Variants in MGRN1 observed in about 807,000 individuals in gnomAD.
MGRN1 encodes E3 ubiquitin-protein ligase MGRN1.
MGRN1 carries 29 observed loss-of-function variants against 69.2 expected under a neutral mutation model. The ratio of observed to expected loss-of-function variants is 0.42; its 90% CI spans 0.31 to 0.57. The LOEUF (loss-of-function observed/expected upper bound fraction) is 0.57, where lower values mean the gene tolerates loss of function less well. Among genes scored for constraint, MGRN1 ranks in the 20% least tolerant of loss-of-function variants. MGRN1 has a pLI of 0.15. For missense variants in MGRN1, 998 were observed against 796.2 expected (o/e 1.25, Z -3.05); for synonymous variants, 470 against 344.2 (o/e 1.37, Z -4.04).
chr16:4,657,283 G>C lies in MGRN1; in HGVS notation c.481G>C (p.Val161Leu), dbSNP rs758611746. 2 of 1,614,098 alleles carry C rather than the reference G, an allele frequency of 1.2e-6. No individual in the cohort carries two copies. Among genetic ancestry groups the C allele is most frequent in the East Asian group, 4.5e-5 (2 of 44,890 alleles). ...PKSPSLQSET[V>L]HYKRGVSQQF... ...GAGCCCCTCGCTACAGTCCGAGACC[G>C]TCCACTACAAGAGAGGGGTGAGCCA... The change falls in exon 5 of 17, where the codon GTC becomes CTC. Residue 161 changes from valine to leucine, a missense_variant. Val to Leu is a conservative substitution (Grantham distance 32). Coordinates refer to ENST00000262370, the MANE Select transcript of MGRN1 (RefSeq NM_015246.4).
rs1315128902 is a variant in MGRN1 at position 4,673,625 on chromosome 16, A to G, written c.923A>G (p.Tyr308Cys). 2 of 1,613,484 alleles carry G rather than the reference A, an allele frequency of 1.2e-6. No homozygotes were observed. ...ACCTCCTGCGCCGACACGCTGCGCT[A>G]CCAGGCCAACAACTGCCCCATCTGC... ...LCTSCADTLR[Y>C]QANNCPICRL... Residue 308 changes from tyrosine to cysteine, a missense_variant, in exon 10 of 17, where the codon TAC (tyrosine) becomes TGC (cysteine). Physicochemically the swap from Tyr to Cys is radical, Grantham distance 194. Coordinates refer to ENST00000262370, the MANE Select transcript of MGRN1 (RefSeq NM_015246.4).
intron 5 of MGRN1, among the ~76,000 whole-genome samples, chr16:4,659,929 G>A (rs1596292609): frequency 1.3e-5 from 2 of 152,244 alleles, no homozygotes; most frequent in East Asian, 1.9e-4. Context: ...ATCCGGCTGG[G>A]TCCGGAGATG....
At chr16:4,643,979 T>G (rs2078218916) in intron 1 of MGRN1, among the ~76,000 whole-genome samples, 1 of 151,942 alleles carries the variant, frequency 6.6e-6, no homozygotes, top group African/African-American at 2.4e-5. Context: ...TTTTTGTTTG[T>G]TTGTTTTTTT....
Position 4,673,628 on chromosome 16 carries a change from A to T in MGRN1, c.926A>T (p.Gln309Leu). 6.2e-7 allele frequency: 1 copy of T among 1,613,466 alleles called. No individual in the cohort carries two copies. The highest frequency in any genetic ancestry group is 8.5e-7 in the Non-Finnish European group (1 of 1,179,840). ...CTSCADTLRYQANNCPICRLP... is the reference protein window; with the variant it reads ...CTSCADTLRYLANNCPICRLP... The stretch of plus-strand genomic sequence containing the variant: ...TCCTGCGCCGACACGCTGCGCTACC[A>T]GGCCAACAACTGCCCCATCTGCCGG... Residue 309 changes from glutamine (Q) to leucine (L), a missense_variant, in exon 10 of 17, where the codon CAG becomes CTG. Gln to Leu is a moderately radical substitution (Grantham distance 113). Transcript: ENST00000262370.
chr16:4,665,161 A>C lies in MGRN1; in HGVS notation c.678+10A>C, dbSNP rs369057772. On this transcript the variant is annotated intron_variant, in intron 7 of 16. Coordinates refer to ENST00000262370, the MANE Select transcript of MGRN1 (RefSeq NM_015246.4). ...GGCTGCCTTTGAAAAGGTAAGTGCC[A>C]TCTGGCCATCACTTTCCCGGGGACC... is the stretch of plus-strand genomic sequence containing the variant. The C allele has an allele frequency of 3.7e-6, 6 of 1,613,996 alleles. No individual in the cohort carries two copies. In the African/African-American group the frequency reaches 8.0e-5, roughly 22 times the overall value.
chr16:4,646,182 G>A (rs144382912), intron 1 of MGRN1, among the ~76,000 whole-genome samples: 10 of 152,256 alleles, frequency 6.6e-5, no homozygotes, highest in African/African-American at 2.4e-4. Context: ...TGTAATCCCA[G>A]CACTTTGGGA....
chr16:4,671,483 C>T, intron 9 of MGRN1, 24 bp downstream of exon 9: 3 of 1,611,050 alleles, frequency 1.9e-6, no homozygotes, highest in Non-Finnish European at 2.5e-6. Flanking sequence ...TGAGGTTTCC[C>T]TCTGCCATTA....
chr16:4,666,214 A>T (rs2078802828), intron 7 of MGRN1, among the ~76,000 whole-genome samples: 1 of 151,330 alleles, frequency 6.6e-6, no homozygotes, highest in Non-Finnish European at 1.5e-5. Flanking sequence ...TGCAGCCTTG[A>T]CCTCCTGGGC....
chr16:4,681,318 G>A (rs1486271160), intron 12 of MGRN1: 7 of 548,298 alleles, frequency 1.3e-5, no homozygotes, highest in East Asian at 9.2e-5. Context: ...AGATGCCCTC[G>A]TGCCCGTCAT....
intron 9 of MGRN1, among the ~76,000 whole-genome samples, chr16:4,672,942 C>T (rs904825333): frequency 6.6e-6 from 1 of 152,132 alleles, no homozygotes; most frequent in African/African-American, 2.4e-5. Context: ...GGGTTCACGC[C>T]ATTCTCCTGC....
chr16:4,656,176 A>G (rs1167701392), intron 4 of MGRN1, among the ~76,000 whole-genome samples: 1 of 152,226 alleles, frequency 6.6e-6, no homozygotes, highest in African/African-American at 2.4e-5. Flanking sequence ...TTTATCAGAA[A>G]TGAAACTGCT....
intron 16 of MGRN1, chr16:4,686,978 G>A (rs2079336090): frequency 1.0e-6 from 1 of 985,414 alleles, no homozygotes. Context: ...CTTGCGTCCT[G>A]TCCTGAGGGC....
At chr16:4,677,151 T>G (rs2079070491) in intron 10 of MGRN1, 1 of 247,158 alleles carries the variant, frequency 4.0e-6, no homozygotes, top group East Asian at 7.7e-5. Context: ...TGCATGGCCT[T>G]GCTGTGTTTC....
chr16:4,674,626 C>CTTTTCTTTTCTTTCTTTT (rs2079015069), intron 10 of MGRN1, among the ~76,000 whole-genome samples: 4 of 47,254 alleles, frequency 8.5e-5, no homozygotes, highest in African/African-American at 3.6e-4. Flanking sequence ...CTTTTCTTTT[C>CTTTTCTTTTCTTTCTTTT]TTTTTTTTTT....
chr16:4,642,014 AGTT>A (rs1370846116), intron 1 of MGRN1, among the ~76,000 whole-genome samples: 1 of 150,414 alleles, frequency 6.6e-6, no homozygotes, highest in African/African-American at 2.5e-5. Context: ...TGCAGGTGTG[AGTT>A]GTTGATTGTC....
chr16:4,687,130 C>T, intron 16 of MGRN1: 3 of 985,476 alleles, frequency 3.0e-6, no homozygotes, highest in Middle Eastern at 5.2e-4. Flanking sequence ...GCCGACTCAC[C>T]TGTCCCTCCC....
Position 4,689,765 on chromosome 16 carries a change from CTCTTT to C in MGRN1, c.*859_*863del, listed in dbSNP as rs1175680418. On this transcript the variant is annotated 3_prime_UTR_variant, in exon 17 of 17. Transcript: ENST00000262370. ...TGGAATGTCCCCTTGCAGTTCTCTT[CTCTTT>C]TTTTTTTTTTTTGAGATGGAGTTTC... The C allele has an allele frequency of 1.5e-5, 2 of 129,272 alleles. No homozygotes were observed. The highest frequency in any genetic ancestry group is 5.8e-5 in the African/African-American group (2 of 34,482). 8.0% of individuals were successfully genotyped at this position (129,272 alleles called of 1,614,324 possible).
Position 4,671,473 on chromosome 16 carries a change from T to A in MGRN1, c.795+14T>A. 1 of 1,612,988 alleles carries A rather than the reference T, an allele frequency of 6.2e-7. No homozygotes were observed. ...CAGGAGACCAAGGTGTGTATCTGGG[T>A]GAGGTTTCCCTCTGCCATTACAGAA... On this transcript the variant is annotated intron_variant, in intron 9 of 16. Transcript: ENST00000262370.
intron 15 of MGRN1, 119 bp from the exon 16 acceptor site, chr16:4,683,724 C>T: frequency 1.3e-6 from 1 of 794,430 alleles, no homozygotes; most frequent in Non-Finnish European, 2.0e-6. Context: ...GGAGCACAAG[C>T]CTGGGGTCCC....
Sources: gnomAD v4.1 joint callset for allele counts (sites outside exome capture counted in the v4.1 genomes callset) on GRCh38, gnomAD v4.1.1 for gene constraint, MANE v1.5 for transcripts, NCBI Gene and HGNC (gene_info 2026-07-23, HGNC 2026-07-21) for gene names.